Variants in FAT3 observed in about 807,000 individuals in gnomAD.
FAT3 encodes the protein protocadherin Fat 3.
A neutral mutation model predicts 310.2 loss-of-function variants in FAT3; 95 were observed. The ratio of observed to expected loss-of-function variants is 0.31; its 90% CI spans 0.26 to 0.36. The LOEUF (loss-of-function observed/expected upper bound fraction) is 0.36. FAT3 is among the 10% of genes least tolerant of loss of function. FAT3 has a pLI of 1.00. For synonymous variants in FAT3, 2,314 were observed against 2,192.9 expected (o/e 1.06, Z -1.54); for missense variants, 5,408 against 5,715.6 (o/e 0.95, Z 1.74).
chr11:92,803,335 A>G (rs549809398), intron 10 of FAT3, among the ~76,000 whole-genome samples: 35 of 152,308 alleles, frequency 2.3e-4, no homozygotes, highest in African/African-American at 7.5e-4. Context: ...ACTGATTTTA[A>G]TTAGATTTAA....
intron 1 of FAT3, among the ~76,000 whole-genome samples, chr11:92,335,531 C>T (rs1217743772): frequency 6.6e-6 from 1 of 152,042 alleles, no homozygotes; most frequent in East Asian, 1.9e-4. Flanking sequence ...GTGTTCTGCA[C>T]CTTATATAAA....
In FAT3 at chr11:92,843,953, C is replaced by A; in HGVS notation, c.10586C>A (p.Pro3529His). ...LCVQAKDSGK[P>H]QQVSHTYIRV... is the part of the protein sequence containing the mutation. ...TTTTAGGCAAAGGATTCAGGCAAAC[C>A]CCAGCAAGTTTCTCACACTTACATC... Residue 3529 changes from proline to histidine, a missense_variant, in exon 19 of 28, where the codon CCC becomes CAC. Transcript: ENST00000525166. The A allele has an allele frequency of 1.2e-6, 2 of 1,605,940 alleles. No homozygotes were observed. The highest frequency in any genetic ancestry group is 4.5e-5 in the East Asian group (2 of 44,712).
chr11:92,682,835 T>C (rs1447398003), intron 3 of FAT3, among the ~76,000 whole-genome samples: 1 of 152,058 alleles, frequency 6.6e-6, no homozygotes, highest in Non-Finnish European at 1.5e-5. Context: ...CCTAGCACTT[T>C]GGGAAGCCGA....
intron 2 of FAT3, among the ~76,000 whole-genome samples, chr11:92,435,559 ATTCT>A (rs1439385262): frequency 4.1e-5 from 2 of 48,208 alleles, no homozygotes; most frequent in Admixed American, 2.4e-4. Context: ...TCCTTTCTTT[ATTCT>A]TTCTCTTTTT....
intron 1 of FAT3, among the ~76,000 whole-genome samples, chr11:92,238,265 T>C (rs1312404956): frequency 6.6e-6 from 1 of 152,160 alleles, no homozygotes; most frequent in African/African-American, 2.4e-5. Context: ...TTACAGTCTG[T>C]TCCATAATGT....
chr11:92,240,869 A>G (rs1158273581), intron 1 of FAT3, among the ~76,000 whole-genome samples: 5 of 152,048 alleles, frequency 3.3e-5, no homozygotes, highest in African/African-American at 1.2e-4. Context: ...TCAGTTACTC[A>G]GTAGCTTTTT....
chr11:92,248,992 G>A (rs1408545405), intron 1 of FAT3, among the ~76,000 whole-genome samples: 1 of 151,986 alleles, frequency 6.6e-6, no homozygotes, highest in African/African-American at 2.4e-5. Flanking sequence ...AACTAAGTAG[G>A]GCTAGAATCC....
At chr11:92,525,025 T>A in intron 3 of FAT3, 77 bp downstream of exon 3, 1 of 1,194,598 alleles carries the variant, frequency 8.4e-7, no homozygotes, top group East Asian at 2.3e-5. Flanking sequence ...CTTTCTGTAC[T>A]CATTTACTTT....
At chr11:92,473,671 A>C (rs545726661) in intron 2 of FAT3, among the ~76,000 whole-genome samples, 1 of 152,164 alleles carries the variant, frequency 6.6e-6, no homozygotes, top group Non-Finnish European at 1.5e-5. Flanking sequence ...TTTGGACTTA[A>C]GTTAAATACC....
intron 2 of FAT3, among the ~76,000 whole-genome samples, chr11:92,523,687 G>C (rs556513499): frequency 2.6e-5 from 4 of 152,246 alleles, no homozygotes; most frequent in Admixed American, 1.3e-4. Flanking sequence ...CTTTCTATGA[G>C]CCTCCTGACT....
Position 92,524,457 on chromosome 11 carries a change from G to C in FAT3, c.3293-177G>C, listed in dbSNP as rs535832956. 2.0e-5 allele frequency among the ~76,000 whole-genome samples: 3 copies of C among 152,168 alleles called. No homozygotes were observed. The South Asian group carries it at 6.2e-4, about 32-fold the overall frequency. The stretch of plus-strand genomic sequence containing the variant: ...AACAGTAGAAGAACTATTTAATCTG[G>C]TCCTGCTGAAAATCATTTTCTTATG... On this transcript the variant is annotated intron_variant, in intron 2 of 27. Transcript: ENST00000525166.
intron 3 of FAT3, among the ~76,000 whole-genome samples, chr11:92,590,193 A>G (rs1425047038): frequency 6.6e-6 from 1 of 152,134 alleles, no homozygotes; most frequent in African/African-American, 2.4e-5. Flanking sequence ...TGGTATAATC[A>G]TGGTATAAGC....
intron 1 of FAT3, among the ~76,000 whole-genome samples, chr11:92,236,415 T>C (rs2134241166): frequency 6.6e-6 from 1 of 152,320 alleles, no homozygotes; most frequent in Admixed American, 6.5e-5. Flanking sequence ...TACACTGCAC[T>C]ATATTCATTA....
chr11:92,279,082 TC>T (rs1946354639), intron 1 of FAT3, among the ~76,000 whole-genome samples: 1 of 152,120 alleles, frequency 6.6e-6, no homozygotes. Flanking sequence ...TAAATGTGGG[TC>T]CAAGGAAAAG....
At chr11:92,642,374 C>T (rs1228477609) in intron 3 of FAT3, among the ~76,000 whole-genome samples, 1 of 152,178 alleles carries the variant, frequency 6.6e-6, no homozygotes, top group Non-Finnish European at 1.5e-5. Context: ...CAACATCAGA[C>T]ATAGAACTGA....
At chr11:92,255,272 G>T (rs573977195) in intron 1 of FAT3, among the ~76,000 whole-genome samples, 1 of 149,510 alleles carries the variant, frequency 6.7e-6, no homozygotes, top group South Asian at 2.1e-4. Flanking sequence ...ATAATTATTT[G>T]CATACTTTTA....
At chr11:92,873,113 T>C (rs997558536) in intron 22 of FAT3, among the ~76,000 whole-genome samples, 2 of 152,240 alleles carry the variant, frequency 1.3e-5, no homozygotes, top group Admixed American at 1.3e-4. Flanking sequence ...ATAAAGCACC[T>C]AATGTTGTGT....
intron 1 of FAT3, among the ~76,000 whole-genome samples, chr11:92,269,277 C>T (rs1485727327): frequency 2.6e-5 from 4 of 152,164 alleles, no homozygotes; most frequent in East Asian, 1.9e-4. Context: ...AACATTCTTT[C>T]GCCTGGCCAT....
At chr11:92,654,242 G>T (rs1441786187) in intron 3 of FAT3, among the ~76,000 whole-genome samples, 1 of 152,130 alleles carries the variant, frequency 6.6e-6, no homozygotes, top group Non-Finnish European at 1.5e-5. Context: ...AGTTCTGTAA[G>T]TTCCAGCCAG....
Sources: gnomAD v4.1 joint callset for allele counts (sites outside exome capture counted in the v4.1 genomes callset) on GRCh38, gnomAD v4.1.1 for gene constraint, MANE v1.5 for transcripts, NCBI Gene and HGNC (gene_info 2026-07-23, HGNC 2026-07-21) for gene names.